Variants in GAB2 observed in about 807,000 individuals in gnomAD.
GAB2 encodes the protein GRB2-associated-binding protein 2.
A neutral mutation model predicts 65.5 loss-of-function variants in GAB2; 26 were observed. The ratio of observed to expected loss-of-function variants is 0.40; its 90% CI spans 0.29 to 0.55. GAB2 has a LOEUF of 0.55. Ranked by LOEUF, GAB2 falls within the 20% of genes least tolerant of loss-of-function variation. The probability of loss-of-function intolerance (pLI) is 0.53; values close to 1 mark genes in which losing one functional copy is unlikely to be tolerated. For synonymous variants in GAB2, 321 were observed against 329.6 expected (o/e 0.97, Z 0.28); for missense variants, 884 against 875.8 (o/e 1.01, Z -0.12).
At chr11:78,410,850 C>T (rs894305005) in intron 1 of GAB2, among the ~76,000 whole-genome samples, 2 of 152,138 alleles carry the variant, frequency 1.3e-5, no homozygotes, top group African/African-American at 4.8e-5. Context: ...ACCAGTTCTA[C>T]ACCATCTCTT....
At chr11:78,378,293 C>T (rs531977834) in intron 1 of GAB2, among the ~76,000 whole-genome samples, 25 of 152,238 alleles carry the variant, frequency 1.6e-4, no homozygotes, top group Middle Eastern at 3.4e-3. Flanking sequence ...ATACAATGAG[C>T]GCCCTTGGGC....
chr11:78,307,137 C>T (rs1364456296), intron 1 of GAB2, among the ~76,000 whole-genome samples: 1 of 152,092 alleles, frequency 6.6e-6, no homozygotes, highest in African/African-American at 2.4e-5. Context: ...GAACTCATAA[C>T]CTTGAAAAAA....
intron 1 of GAB2, chr11:78,341,960 G>T: frequency 1.3e-6 from 1 of 797,558 alleles, no homozygotes; most frequent in Non-Finnish European, 1.5e-6. Context: ...GTGGAAGGGA[G>T]ACAAAGGCCA....
chr11:78,292,365 G>T (rs1431270933), intron 1 of GAB2, among the ~76,000 whole-genome samples: 1 of 152,210 alleles, frequency 6.6e-6, no homozygotes, highest in Non-Finnish European at 1.5e-5. Context: ...TATCAGAAAA[G>T]ATGATTTGAG....
intron 1 of GAB2, among the ~76,000 whole-genome samples, chr11:78,320,786 A>G (rs1168630268): frequency 8.1e-6 from 1 of 123,520 alleles, no homozygotes; most frequent in Non-Finnish European, 1.6e-5. Context: ...AGGCTGATCT[A>G]TCTCAAACTC....
At chr11:78,292,557 C>T (rs1317416989) in intron 1 of GAB2, among the ~76,000 whole-genome samples, 1 of 152,208 alleles carries the variant, frequency 6.6e-6, no homozygotes, top group African/African-American at 2.4e-5. Context: ...GATCTCACTT[C>T]TGAACATATG....
intron 2 of GAB2, among the ~76,000 whole-genome samples, chr11:78,263,477 C>T (rs1265060113): frequency 2.6e-5 from 4 of 151,684 alleles, no homozygotes; most frequent in African/African-American, 4.8e-5. Flanking sequence ...ACTAAAAATA[C>T]AAAAAATTAG....
rs1555000328 is a variant in GAB2, at chr11:78,401,505, C to CCTGTGTGTGTGTGTGT, written c.75+16140_75+16141insACACACACACACACAG. On this transcript the variant is annotated intron_variant, in intron 1 of 9. Transcript: ENST00000361507. ...TTCCCTTTTAAGGCTGAACAGTATT[C>CCTGTGTGTGTGTGTGT]GTGTGTGTGTGTGTGTGTGTGTGTG... is the stretch of plus-strand genomic sequence containing the variant. 1.6e-3 allele frequency among the ~76,000 whole-genome samples: 205 copies of CCTGTGTGTGTGTGTGT among 125,004 alleles called. 4 individuals are homozygous for CCTGTGTGTGTGTGTGT. The highest frequency in any genetic ancestry group is 5.9e-3 in the African/African-American group (201 of 33,840). The allele number at this position is 125,004 out of a possible 152,430, so 82.0% of individuals were successfully genotyped here. A position where few individuals can be genotyped will look rare whatever the true frequency, so the allele number is the denominator to read the frequency against.
intron 2 of GAB2, among the ~76,000 whole-genome samples, chr11:78,262,516 G>C (rs1865760899): frequency 1.3e-5 from 2 of 152,112 alleles, no homozygotes; most frequent in Admixed American, 6.5e-5. Flanking sequence ...TGTCGCAGAG[G>C]GTACAAAAAT....
At chr11:78,346,674 CAT>C (rs71046967) in intron 1 of GAB2, among the ~76,000 whole-genome samples, 1,478 of 54,354 alleles carry the variant, frequency 0.027, 13 homozygotes, top group African/African-American at 0.038. Context: ...ACATCCCCTC[CAT>C]ATATATATAT....
intron 2 of GAB2, among the ~76,000 whole-genome samples, chr11:78,256,393 G>A (rs982475742): frequency 2.0e-5 from 3 of 152,176 alleles, no homozygotes; most frequent in Non-Finnish European, 4.4e-5. Flanking sequence ...GGAAAGGAAG[G>A]GGAGTGATTC....
rs540878478 is a variant in GAB2 at position 78,317,475 on chromosome 11, G to A, written c.76-36574C>T. On this transcript the variant is annotated intron_variant, in intron 1 of 9. Coordinates refer to ENST00000361507, the MANE Select transcript of GAB2 (RefSeq NM_080491.3). Reference sequence around the variant, plus strand: ...CTCGGGAGGCTGAATCGGGATAATCGCTTGAACCTGGGAGGCGGAGGTTGC... The same window carrying A: ...CTCGGGAGGCTGAATCGGGATAATCACTTGAACCTGGGAGGCGGAGGTTGC... Among the ~76,000 whole-genome samples, 7 of 148,052 alleles carry A rather than the reference G, an allele frequency of 4.7e-5. No homozygotes were observed. The South Asian group carries it at 1.3e-3, about 27-fold the overall frequency.
At chr11:78,363,346 C>T (rs1253312058) in intron 1 of GAB2, among the ~76,000 whole-genome samples, 1 of 152,168 alleles carries the variant, frequency 6.6e-6, no homozygotes, top group Non-Finnish European at 1.5e-5. Context: ...TGGTCTCTTA[C>T]ACACATTTGT....
chr11:78,232,449 C>T (rs533173376), intron 3 of GAB2, among the ~76,000 whole-genome samples: 106 of 152,278 alleles, frequency 7.0e-4, no homozygotes, highest in African/African-American at 2.4e-3. Context: ...AAAAATAAGT[C>T]CAGTGAAACC....
intron 1 of GAB2, among the ~76,000 whole-genome samples, chr11:78,386,874 T>C (rs1469308090): frequency 6.6e-6 from 1 of 152,264 alleles, no homozygotes; most frequent in African/African-American, 2.4e-5. Context: ...AGAGACAATG[T>C]GATGTCAAGG....
In GAB2 at chr11:78,219,217, T is replaced by G. The variant is rs1005510814; in HGVS notation, c.*55A>C. On this transcript the variant is annotated 3_prime_UTR_variant, in exon 10 of 10. Coordinates refer to ENST00000361507, the MANE Select transcript of GAB2 (RefSeq NM_080491.3). ...AGAACGGGAGAGGGGAGAGGGGAGA[T>G]GGGAAGGGCCAGCTCTGGAGATGCT... is the stretch of plus-strand genomic sequence containing the variant. The G allele has an allele frequency of 6.5e-7, 1 of 1,543,780 alleles. No individual in the cohort carries two copies. The highest frequency in any genetic ancestry group is 8.9e-7 in the Non-Finnish European group (1 of 1,125,608).
In GAB2 at chr11:78,232,903, G is replaced by T. The variant is rs149846201; in HGVS notation, c.621-5852C>A. On this transcript the variant is annotated intron_variant, in intron 3 of 9. Coordinates refer to ENST00000361507, the MANE Select transcript of GAB2 (RefSeq NM_080491.3). The stretch of plus-strand genomic sequence containing the variant: ...AGGATTACTTTGGAGATCATATGAG[G>T]TACCTAATGTAAAAGTGCTTTGTAA... Among the ~76,000 whole-genome samples, 763 of 152,208 alleles carry T rather than the reference G, an allele frequency of 5.0e-3. 14 individuals carry two copies. The highest frequency in any genetic ancestry group is 0.02 in the East Asian group (102 of 5,182).
rs1052763004 is a variant in GAB2, at chr11:78,417,796, G to A, written c.-76C>T. On this transcript the variant is annotated 5_prime_UTR_variant, in exon 1 of 10. Transcript: ENST00000361507. Reference sequence around the variant, plus strand: ...CGGGCAGCTGGGGCAGCGGCCGGCGGTGCGCAGCTCGCGGGAGGCCAGGGG... The same window carrying A: ...CGGGCAGCTGGGGCAGCGGCCGGCGATGCGCAGCTCGCGGGAGGCCAGGGG... 2.5e-6 allele frequency: 2 copies of A among 798,902 alleles called. No homozygotes were observed. The highest frequency in any genetic ancestry group is 3.1e-6 in the Non-Finnish European group (2 of 650,282). The allele number at this position is 798,902 out of a possible 1,614,324, so 49.5% of individuals were successfully genotyped here.
rs772531719 is a variant in GAB2, at chr11:78,417,629, G to A, written c.75+17C>T. 9.0e-6 allele frequency: 12 copies of A among 1,329,146 alleles called. No individual in the cohort carries two copies. The highest frequency in any genetic ancestry group is 1.2e-5 in the Non-Finnish European group (12 of 1,013,188). 82.3% of individuals were successfully genotyped at this position (1,329,146 alleles called of 1,614,324 possible). ...AGCGCCCCCCGCCCGCCCCTGGGCG[G>A]CCGCGCCCGCACTCACATAGCGCCT... On this transcript the variant is annotated intron_variant, in intron 1 of 9. Coordinates refer to ENST00000361507, the MANE Select transcript of GAB2 (RefSeq NM_080491.3).
Sources: gnomAD v4.1 joint callset for allele counts (sites outside exome capture counted in the v4.1 genomes callset) on GRCh38, gnomAD v4.1.1 for gene constraint, MANE v1.5 for transcripts, NCBI Gene and HGNC (gene_info 2026-07-23, HGNC 2026-07-21) for gene names.